The following ERG variants were observed in gnomAD, a reference collection of about 807,000 sequenced individuals.
ERG encodes transcriptional regulator ERG.
In ERG, 9 loss-of-function variants were observed where a neutral mutation model predicts 55.3. The observed-to-expected ratio is 0.16, with a 90% CI of 0.10 to 0.28. The LOEUF (loss-of-function observed/expected upper bound fraction) is 0.28. ERG is among the 10% of genes least tolerant of loss of function. The pLI, the probability that ERG is intolerant of heterozygous loss-of-function variation, is 1.00. For missense variants in ERG, 434 were observed against 631.6 expected (o/e 0.69, Z 3.35); for synonymous variants, 223 against 237.3 (o/e 0.94, Z 0.55).
chr21:38,567,732 T>A (rs1158551472), intron 2 of ERG, among the ~76,000 whole-genome samples: 1 of 152,224 alleles, frequency 6.6e-6, no homozygotes, highest in Non-Finnish European at 1.5e-5. Flanking sequence ...GGCTCCATCG[T>A]GAAATCCACC....
chr21:38,382,375 C>A lies in ERG; in HGVS notation c.*1028G>T. The A allele has an allele frequency of 9.4e-7, 1 of 1,060,292 alleles. No individual in the cohort carries two copies. Among genetic ancestry groups the A allele is most frequent in the Non-Finnish European group, 1.1e-6 (1 of 875,834 alleles). The allele number at this position is 1,060,292 out of a possible 1,614,324, so 65.7% of individuals were successfully genotyped here. A position where few individuals can be genotyped will look rare whatever the true frequency, so the allele number is the denominator to read the frequency against. ...CCAAGAAGGCCATCTCTTACCTGAC[C>A]CTGTGGAGAACAAAGCCCCCACATA... On this transcript the variant is annotated 3_prime_UTR_variant, in exon 10 of 10. Coordinates refer to ENST00000288319, the MANE Select transcript of ERG (RefSeq NM_182918.4).
At chr21:38,458,408 A>G (rs1449407250) in intron 1 of ERG, among the ~76,000 whole-genome samples, 12 of 138,832 alleles carry the variant, frequency 8.6e-5, no homozygotes, top group Admixed American at 8.6e-4. Context: ...TGGGTGACAG[A>G]GTGAGACTCT....
intron 1 of ERG, among the ~76,000 whole-genome samples, chr21:38,642,396 T>C (rs189414208): frequency 1.3e-5 from 2 of 152,356 alleles, no homozygotes; most frequent in African/African-American, 4.8e-5. Flanking sequence ...AGTTCAAAAA[T>C]GCTGTTATAT....
At chr21:38,650,643 T>C (rs2060483500) in intron 1 of ERG, among the ~76,000 whole-genome samples, 3 of 150,208 alleles carry the variant, frequency 2.0e-5, no homozygotes, top group Admixed American at 2.0e-4. Flanking sequence ...TCTCAAGAAA[T>C]AAAAATTAAA....
chr21:38,604,191 T>C (rs1251208073), intron 1 of ERG, among the ~76,000 whole-genome samples: 2 of 151,186 alleles, frequency 1.3e-5, no homozygotes, highest in Non-Finnish European at 2.9e-5. Flanking sequence ...GAGGCGGAGC[T>C]TGCAGTGAGC....
At chr21:38,404,548 T>G (rs1370992365) in intron 3 of ERG, among the ~76,000 whole-genome samples, 1 of 152,052 alleles carries the variant, frequency 6.6e-6, no homozygotes, top group East Asian at 1.9e-4. Context: ...AGTGGTAGGG[T>G]CTTCAGAGTG....
intron 6 of ERG, among the ~76,000 whole-genome samples, chr21:38,399,425 C>T (rs1260478589): frequency 1.3e-5 from 2 of 152,144 alleles, no homozygotes; most frequent in Non-Finnish European, 2.9e-5. Context: ...TGAACCAGTT[C>T]GAACTGAGAC....
At chr21:38,434,734 C>G (rs1300489794) in intron 2 of ERG, among the ~76,000 whole-genome samples, 1 of 152,194 alleles carries the variant, frequency 6.6e-6, no homozygotes, top group Non-Finnish European at 1.5e-5. Flanking sequence ...CTTGAGGTTG[C>G]TGTGAGGACA....
At chr21:38,590,663 TCATC>T (rs941603301) in intron 1 of ERG, among the ~76,000 whole-genome samples, 1 of 151,914 alleles carries the variant, frequency 6.6e-6, no homozygotes, top group African/African-American at 2.4e-5. Context: ...ATCCATGTAT[TCATC>T]CATCCATCCA....
the ERG span, among the ~76,000 whole-genome samples, chr21:38,373,568 C>A: frequency 6.6e-6 from 1 of 152,104 alleles, no homozygotes; most frequent in Non-Finnish European, 1.5e-5. Flanking sequence ...TGAAAATGTA[C>A]CTGGCTAGCA....
the ERG span, among the ~76,000 whole-genome samples, chr21:38,368,654 G>C: frequency 6.6e-6 from 1 of 152,066 alleles, no homozygotes; most frequent in African/African-American, 2.4e-5. Context: ...ACAAGTGCAG[G>C]TTTATTACAT....
At chr21:38,532,600 A>G (rs1458515399) in intron 2 of ERG, among the ~76,000 whole-genome samples, 1 of 152,206 alleles carries the variant, frequency 6.6e-6, no homozygotes, top group Non-Finnish European at 1.5e-5. Context: ...AACAGCCAAA[A>G]GCTAAGATTT....
intron 2 of ERG, among the ~76,000 whole-genome samples, chr21:38,523,351 A>C (rs1352304872): frequency 2.6e-5 from 4 of 152,198 alleles, no homozygotes; most frequent in Non-Finnish European, 5.9e-5. Flanking sequence ...CTTTTTGTAG[A>C]ATCCAGAAAG....
chr21:38,605,159 C>T (rs2060189120), intron 1 of ERG, among the ~76,000 whole-genome samples: 1 of 152,126 alleles, frequency 6.6e-6, no homozygotes, highest in African/African-American at 2.4e-5. Context: ...TTTAAACCAT[C>T]AAAAAGCTAT....
intron 2 of ERG, among the ~76,000 whole-genome samples, chr21:38,433,174 G>A (rs947492572): frequency 1.3e-5 from 2 of 152,182 alleles, no homozygotes; most frequent in Non-Finnish European, 2.9e-5. Context: ...GCCCAGCAGG[G>A]TGCATGTTTT....
chr21:38,485,485 G>T (rs2059275594), intron 1 of ERG, among the ~76,000 whole-genome samples: 1 of 142,394 alleles, frequency 7.0e-6, no homozygotes, highest in Non-Finnish European at 1.5e-5. Flanking sequence ...TTTTGAGATG[G>T]AGTCTCGCTG....
chr21:38,579,423 G>A (rs1223691605), intron 1 of ERG, among the ~76,000 whole-genome samples: 1 of 152,174 alleles, frequency 6.6e-6, no homozygotes, highest in Non-Finnish European at 1.5e-5. Flanking sequence ...ATACAGATAT[G>A]AAGCGGTCAG....
chr21:38,397,235 T>C (rs1035825053), intron 6 of ERG, among the ~76,000 whole-genome samples: 18 of 152,238 alleles, frequency 1.2e-4, no homozygotes, highest in Middle Eastern at 3.4e-3. Flanking sequence ...GAGACTGACC[T>C]GACAGGGAAG....
chr21:38,585,726 A>T (rs2060060154), upstream of ERG, among the ~76,000 whole-genome samples: 1 of 151,942 alleles, frequency 6.6e-6, no homozygotes. Context: ...AATATTTGTA[A>T]TGGGCAGAAT....
Sources: allele counts gnomAD v4.1 joint callset (sites outside exome capture counted in the v4.1 genomes callset), GRCh38; gene constraint gnomAD v4.1.1; transcripts MANE v1.5; gene names NCBI Gene and HGNC (gene_info 2026-07-23, HGNC 2026-07-21).